Variants in PPFIBP2 observed in about 807,000 individuals in gnomAD.
PPFIBP2 encodes PPFIB scaffold protein 2.
Under a neutral mutation model 118.3 loss-of-function variants are expected in PPFIBP2, and 118 were observed. That is an observed-to-expected ratio of 1.00 (90% CI 0.86 to 1.16). PPFIBP2 has a LOEUF of 1.16. Among genes scored for constraint, PPFIBP2 ranks in the 50% most tolerant of loss-of-function variants. PPFIBP2 has a pLI of 0.00. For missense variants in PPFIBP2, 1,195 were observed against 1,073.1 expected (o/e 1.11, Z -1.59); for synonymous variants, 414 against 397.4 (o/e 1.04, Z -0.50).
Position 7,642,305 on chromosome 11 carries a change from AG to A in PPFIBP2, c.1526del (p.Arg509LysfsTer68). On this transcript the variant is annotated frameshift_variant, in exon 17 of 24. Coordinates refer to ENST00000299492, the MANE Select transcript of PPFIBP2 (RefSeq NM_003621.5). LOFTEE classifies it high-confidence loss of function. ...GGATTCTTCTCCATGCAGAATCCGA[AG>A]AACTCAGTCAGGAAATTTCTACACT... ...GIKKFWGKIR[R>X]TQSGNFYTDT... The A allele has an allele frequency of 6.2e-7, 1 of 1,614,106 alleles. No homozygotes were observed. Among genetic ancestry groups the A allele is most frequent in the Non-Finnish European group, 8.5e-7 (1 of 1,179,998 alleles).
chr11:7,517,143 T>A (rs1849298565), intron 1 of PPFIBP2, among the ~76,000 whole-genome samples: 1 of 152,174 alleles, frequency 6.6e-6, no homozygotes, highest in Admixed American at 6.5e-5. Context: ...ATTAGTGGGA[T>A]AACACAGGGG....
chr11:7,641,909 C>T (rs1034801334), intron 16 of PPFIBP2: 2 of 454,780 alleles, frequency 4.4e-6, no homozygotes, highest in Non-Finnish European at 3.9e-6. Context: ...TTGGATCTGG[C>T]ACAGACACAG....
intron 3 of PPFIBP2, chr11:7,573,916 C>G (rs1313028734): frequency 6.6e-6 from 1 of 152,236 alleles, no homozygotes; most frequent in Admixed American, 6.5e-5. Flanking sequence ...GTTTACAGTT[C>G]TGCCTGATAA....
chr11:7,665,627 C>G, the PPFIBP2 span: 169,596 of 1,423,626 alleles, frequency 0.12, 14,216 homozygotes, highest in East Asian at 0.53. Context: ...CACCCACCCT[C>G]AGCCAGGGAG....
intron 5 of PPFIBP2, chr11:7,606,158 C>A: frequency 2.0e-6 from 2 of 993,950 alleles, no homozygotes; most frequent in Non-Finnish European, 2.8e-6. Context: ...AAAATACTGG[C>A]TTGGAAGCAG....
intron 5 of PPFIBP2, among the ~76,000 whole-genome samples, chr11:7,603,960 G>A (rs1252637224): frequency 6.6e-6 from 1 of 152,006 alleles, no homozygotes; most frequent in East Asian, 1.9e-4. Flanking sequence ...TCCTCAGCTC[G>A]CTGCCTCCCC....
At chr11:7,582,804 T>C (rs1857479014) in intron 3 of PPFIBP2, among the ~76,000 whole-genome samples, 1 of 152,048 alleles carries the variant, frequency 6.6e-6, no homozygotes, top group African/African-American at 2.4e-5. Context: ...TTCAGCATCC[T>C]GTTTCATGGG....
the PPFIBP2 span, chr11:7,665,636 A>G: frequency 1.5e-6 from 2 of 1,367,610 alleles, no homozygotes; most frequent in Non-Finnish European, 2.0e-6. Context: ...TCAGCCAGGG[A>G]GGAGGTGACA....
intron 2 of PPFIBP2, among the ~76,000 whole-genome samples, chr11:7,561,894 G>A (rs1590246166): frequency 6.6e-6 from 1 of 152,204 alleles, no homozygotes; most frequent in East Asian, 1.9e-4. Flanking sequence ...AGGCTTTTCT[G>A]GGGCTGGAGC....
At chr11:7,661,696 G>A (rs1419123966), downstream of PPFIBP2, among the ~76,000 whole-genome samples, 7 of 60,082 alleles carry the variant, frequency 1.2e-4, 3 homozygotes, top group East Asian at 6.9e-4. Context: ...CAATTCCTGC[G>A]TATCCTTTGT....
intron 3 of PPFIBP2, among the ~76,000 whole-genome samples, chr11:7,588,931 C>G (rs780876093): frequency 2.0e-5 from 3 of 152,212 alleles, no homozygotes; most frequent in Non-Finnish European, 4.4e-5. Context: ...CTGGAGTTAA[C>G]AGTTCTCCAC....
At position 7,516,542 on chromosome 11, in the gene PPFIBP2, A is replaced by AGACAACATGAGGCGGTGTGG. The variant is rs1330924994; in HGVS notation, c.-37+2423_-37+2442dup. On this transcript the variant is annotated intron_variant, in intron 1 of 23. Transcript: ENST00000299492. Reference sequence around the variant, plus strand: ...GTTCGAACCCCGAGAGCCTGCCAACAGACAACATGAGGCGGTGTGGGGCAA... The same window carrying AGACAACATGAGGCGGTGTGG: ...GTTCGAACCCCGAGAGCCTGCCAACAGACAACATGAGGCGGTGTGGGACAACATGAGGCGGTGTGGGGCAA... Among the ~76,000 whole-genome samples the AGACAACATGAGGCGGTGTGG allele has an allele frequency of 7.2e-5, 11 of 152,306 alleles. No homozygotes were observed. The South Asian group carries it at 8.3e-4, about 11-fold the overall frequency.
intron 2 of PPFIBP2, among the ~76,000 whole-genome samples, chr11:7,558,499 A>C (rs573432168): frequency 6.6e-6 from 1 of 152,320 alleles, no homozygotes; most frequent in African/African-American, 2.4e-5. Context: ...GCTCACGCCT[A>C]TATCCCAGCA....
chr11:7,648,912 G>A lies in PPFIBP2; in HGVS notation c.1909+1G>A. ...CTGCTAGACCACATTTGGGTGACAA[G>A]TAAGGATAGGCATATATGTATTAAG... On this transcript the variant is annotated splice_donor_variant, in intron 19 of 23. Coordinates refer to ENST00000299492, the MANE Select transcript of PPFIBP2 (RefSeq NM_003621.5). LOFTEE classifies it high-confidence loss of function. The A allele has an allele frequency of 1.2e-6, 2 of 1,609,962 alleles. No homozygotes were observed. The highest frequency in any genetic ancestry group is 1.7e-6 in the Non-Finnish European group (2 of 1,176,244).
chr11:7,599,101 C>A (rs74415804), intron 5 of PPFIBP2, among the ~76,000 whole-genome samples: 6 of 142,152 alleles, frequency 4.2e-5, no homozygotes, highest in Non-Finnish European at 9.3e-5. Flanking sequence ...GGAATTGAGG[C>A]TTTTTTTTTT....
rs541796595 is a variant in PPFIBP2 at position 7,516,851 on chromosome 11, A to C, written c.-37+2730A>C. 1.2e-4 allele frequency among the ~76,000 whole-genome samples: 18 copies of C among 152,208 alleles called. No individual in the cohort carries two copies. The South Asian group carries it at 3.7e-3, about 32-fold the overall frequency. ...GCCTTGCACCTTGGGACTGGGCCTG[A>C]GAAGGGAGGAGTTACTCATCTCTTC... On this transcript the variant is annotated intron_variant, in intron 1 of 23. Coordinates refer to ENST00000299492, the MANE Select transcript of PPFIBP2 (RefSeq NM_003621.5).
the PPFIBP2 span, among the ~76,000 whole-genome samples, chr11:7,663,483 C>G: frequency 6.6e-6 from 1 of 152,194 alleles, no homozygotes; most frequent in African/African-American, 2.4e-5. Context: ...CAGGGACCCA[C>G]TTGAGGAGGC....
intron 3 of PPFIBP2, among the ~76,000 whole-genome samples, chr11:7,591,366 T>A (rs1299116982): frequency 6.6e-6 from 1 of 151,618 alleles, no homozygotes; most frequent in East Asian, 2.0e-4. Flanking sequence ...AGAGCTTCAC[T>A]TGGACACCTG....
chr11:7,597,105 G>T, intron 4 of PPFIBP2: 3 of 1,327,940 alleles, frequency 2.3e-6, no homozygotes, highest in Non-Finnish European at 3.0e-6. Flanking sequence ...CACCTGATAG[G>T]TGAGCAGTCC....
Sources: allele counts gnomAD v4.1 joint callset (sites outside exome capture counted in the v4.1 genomes callset), GRCh38; gene constraint gnomAD v4.1.1; transcripts MANE v1.5; gene names NCBI Gene and HGNC (gene_info 2026-07-23, HGNC 2026-07-21).